The following ZFHX3 variants were observed in gnomAD, a reference collection of about 807,000 sequenced individuals.
The protein encoded by ZFHX3 is zinc finger homeobox 3, also known as zinc finger homeobox protein 3.
A neutral mutation model predicts 279.1 loss-of-function variants in ZFHX3; 42 were observed. The ratio of observed to expected loss-of-function variants is 0.15; its 90% confidence interval spans 0.12 to 0.19. The LOEUF (loss-of-function observed/expected upper bound fraction) is 0.19, where lower values mean the gene tolerates loss of function less well. Ranked by LOEUF, ZFHX3 falls within the 10% of genes least tolerant of loss-of-function variation. ZFHX3 has a pLI of 1.00. For missense variants in ZFHX3, 4,981 were observed against 4,754.0 expected (o/e 1.05, Z -1.40); for synonymous variants, 2,293 against 1,957.8 (o/e 1.17, Z -4.52).
At chr16:73,493,037 A>G (rs2019080485) in intron 2 of ZFHX3, among the ~76,000 whole-genome samples, 1 of 152,194 alleles carries the variant, frequency 6.6e-6, no homozygotes, top group Admixed American at 6.5e-5. Flanking sequence ...TGCTCTATGT[A>G]TAAGCTGGAA....
intron 4 of ZFHX3, among the ~76,000 whole-genome samples, chr16:73,276,028 T>C (rs2014290301): frequency 6.6e-6 from 1 of 151,994 alleles, no homozygotes; most frequent in Non-Finnish European, 1.5e-5. Flanking sequence ...TATTAGAAGA[T>C]GAAGCGTCCA....
chr16:73,568,795 C>G (rs1360300699), intron 2 of ZFHX3, among the ~76,000 whole-genome samples: 1 of 152,090 alleles, frequency 6.6e-6, no homozygotes, highest in Non-Finnish European at 1.5e-5. Flanking sequence ...GTGGTGAAAT[C>G]TATCAAAGGA....
intron 5 of ZFHX3, among the ~76,000 whole-genome samples, chr16:73,151,869 A>C (rs1966950645): frequency 8.1e-6 from 1 of 122,932 alleles, no homozygotes; most frequent in Admixed American, 9.3e-5. Flanking sequence ...TAAAAGAAGA[A>C]TGCAAAAAAC....
intron 1 of ZFHX3, among the ~76,000 whole-genome samples, chr16:73,711,295 A>G (rs760200445): frequency 4.6e-5 from 7 of 152,182 alleles, no homozygotes; most frequent in Admixed American, 3.3e-4. Context: ...TAAATTGTGC[A>G]TTTATAGTCA....
intron 5 of ZFHX3, among the ~76,000 whole-genome samples, chr16:73,195,247 A>T (rs1463026800): frequency 6.6e-6 from 1 of 152,052 alleles, no homozygotes; most frequent in Non-Finnish European, 1.5e-5. Context: ...GAAGGGGAGG[A>T]CCCTTTGTTT....
intron 2 of ZFHX3, among the ~76,000 whole-genome samples, chr16:73,564,597 C>T (rs765260701): frequency 6.6e-6 from 1 of 152,188 alleles, no homozygotes; most frequent in African/African-American, 2.4e-5. Flanking sequence ...AGAGCAAACT[C>T]TGTACAAACA....
chr16:73,310,706 G>C (rs573122723), intron 4 of ZFHX3, among the ~76,000 whole-genome samples: 4 of 152,122 alleles, frequency 2.6e-5, no homozygotes, highest in African/African-American at 9.7e-5. Flanking sequence ...GCTCAATGAA[G>C]CATTATTTAT....
At chr16:73,238,380 G>A (rs1335492616) in intron 5 of ZFHX3, among the ~76,000 whole-genome samples, 1 of 152,052 alleles carries the variant, frequency 6.6e-6, no homozygotes, top group African/African-American at 2.4e-5. Flanking sequence ...TGGTCCACGA[G>A]CCCTTCAATT....
At chr16:73,314,774 G>C (rs563988247) in intron 4 of ZFHX3, among the ~76,000 whole-genome samples, 5 of 152,076 alleles carry the variant, frequency 3.3e-5, no homozygotes, top group Non-Finnish European at 7.4e-5. Context: ...CAGATTGAAG[G>C]GTAAAAGACC....
chr16:73,876,177 T>C (rs1231605795), intron 1 of ZFHX3, among the ~76,000 whole-genome samples: 1 of 152,220 alleles, frequency 6.6e-6, no homozygotes, highest in African/African-American at 2.4e-5. Flanking sequence ...AAAGAGGCAC[T>C]GAATTCTGCA....
At chr16:73,071,479 C>T (rs62055090) in intron 8 of ZFHX3, among the ~76,000 whole-genome samples, 17 of 132,298 alleles carry the variant, frequency 1.3e-4, no homozygotes, top group African/African-American at 3.2e-4. Flanking sequence ...CTGCTGCTGC[C>T]GCCGCCGCCG....
Position 73,334,614 on chromosome 16 carries a change from T to G in ZFHX3, c.-1290-16278A>C, listed in dbSNP as rs370536602. On this transcript the variant is annotated intron_variant, in intron 3 of 17. Coordinates refer to the ZFHX3 transcript ENST00000641206. Reference sequence around the variant, plus strand: ...AAAGGACCGTCAGCCGAGTGGCCACTCGCAGTCACTCTTCTTTGTGCCTGG... The same window carrying G: ...AAAGGACCGTCAGCCGAGTGGCCACGCGCAGTCACTCTTCTTTGTGCCTGG... 1.4e-4 allele frequency among the ~76,000 whole-genome samples: 21 copies of G among 151,908 alleles called. No individual in the cohort carries two copies. The East Asian group carries it at 2.5e-3, about 18-fold the overall frequency.
At chr16:72,946,991 T>C (rs1960713467) in intron 3 of ZFHX3, among the ~76,000 whole-genome samples, 1 of 152,250 alleles carries the variant, frequency 6.6e-6, no homozygotes, top group African/African-American at 2.4e-5. Flanking sequence ...CAAGCTTCAC[T>C]GGAGCCTCTG....
intron 2 of ZFHX3, among the ~76,000 whole-genome samples, chr16:73,476,854 A>G (rs2018774537): frequency 6.6e-6 from 1 of 152,226 alleles, no homozygotes; most frequent in Admixed American, 6.5e-5. Context: ...TTTAGAATGA[A>G]CTTTCAGAAA....
At chr16:72,909,877 C>CAAAAAAAAA (rs66982395) in intron 3 of ZFHX3, among the ~76,000 whole-genome samples, 1 of 82,320 alleles carries the variant, frequency 1.2e-5, no homozygotes, top group Non-Finnish European at 2.3e-5. Context: ...CACCGTGTCT[C>CAAAAAAAAA]AAAAAAAAAA....
At chr16:72,800,915 A>C (rs2036079482) in intron 7 of ZFHX3, among the ~76,000 whole-genome samples, 2 of 152,186 alleles carry the variant, frequency 1.3e-5, no homozygotes, top group Non-Finnish European at 2.9e-5. Context: ...CAGTTCTGGA[A>C]ATCGCCTGGA....
chr16:73,437,909 T>G (rs929513594), intron 3 of ZFHX3, among the ~76,000 whole-genome samples: 1 of 152,216 alleles, frequency 6.6e-6, no homozygotes. Context: ...TCTTCTGTAG[T>G]CTTTCTTATC....
intron 4 of ZFHX3, among the ~76,000 whole-genome samples, chr16:73,301,663 AAGAG>A (rs1241889672): frequency 6.6e-6 from 1 of 152,198 alleles, no homozygotes; most frequent in African/African-American, 2.4e-5. Context: ...GATACCAAGA[AAGAG>A]AGAAAGATCA....
chr16:73,138,294 T>C (rs1384195769), intron 6 of ZFHX3, among the ~76,000 whole-genome samples: 1 of 152,198 alleles, frequency 6.6e-6, no homozygotes, highest in Non-Finnish European at 1.5e-5. Flanking sequence ...CCCCAGTGCC[T>C]ACTTTTACCC....
Sources: gnomAD v4.1 joint callset for allele counts (sites outside exome capture counted in the v4.1 genomes callset) on GRCh38, gnomAD v4.1.1 for gene constraint, MANE v1.5 for transcripts, NCBI Gene and HGNC (gene_info 2026-07-23, HGNC 2026-07-21) for gene names.